The following IFT81 variants were observed in gnomAD, a reference collection of about 807,000 sequenced individuals.
IFT81 encodes the protein intraflagellar transport protein 81 homolog.
In IFT81, 72 loss-of-function variants were observed where a neutral mutation model predicts 102.6. That is an observed-to-expected ratio of 0.70 (90% CI 0.58 to 0.85). IFT81 has a LOEUF of 0.85. Ranked by LOEUF, IFT81 falls within the 40% of genes least tolerant of loss-of-function variation. The pLI, the probability that IFT81 is intolerant of heterozygous loss-of-function variation, is 0.00. For missense variants in IFT81, 723 were observed against 787.3 expected, an observed-to-expected ratio of 0.92 and a Z score of 0.98; for synonymous variants, 237 against 242.7, an observed-to-expected ratio of 0.98 and a Z score of 0.22.
At chr12:110,173,122 G>C (rs1403171427) in intron 11 of IFT81, among the ~76,000 whole-genome samples, 1 of 143,112 alleles carries the variant, frequency 7.0e-6, no homozygotes, top group Non-Finnish European at 1.5e-5. Flanking sequence ...AGGTGGGGGG[G>C]TCAGCCCCCC....
At position 110,134,996 on chromosome 12, in the gene IFT81, G is replaced by T; in HGVS notation, c.568G>T (p.Glu190Ter). ...EEKDQLIKRV[E>*]HLKKRVETAQ... The stretch of plus-strand genomic sequence containing the variant: ...AAAGGATCAGCTCATTAAGAGAGTT[G>T]AACATTTGAAGAAAAGGGTAAGGCA... Residue 190 changes from glutamate to a stop codon, truncating the protein, a stop_gained, in exon 6 of 19, where the codon GAA becomes TAA. Transcript: ENST00000242591. LOFTEE classifies it high-confidence loss of function. 6.2e-7 allele frequency: 1 copy of T among 1,609,842 alleles called. No homozygotes were observed. Among genetic ancestry groups the T allele is most frequent in the South Asian group, 1.1e-5 (1 of 90,032 alleles).
chr12:110,209,156 A>C lies in IFT81; in HGVS notation c.1803-15A>C. 6.9e-7 allele frequency: 1 copy of C among 1,448,670 alleles called. No individual in the cohort carries two copies. The highest frequency in any genetic ancestry group is 9.6e-7 in the Non-Finnish European group (1 of 1,042,666). The allele number at this position is 1,448,670 out of a possible 1,614,324, so 89.7% of individuals were successfully genotyped here. Reference sequence around the variant, plus strand: ...TGAAGTAAATTGAAAGTAAATCATTATGTTGACTCCCTAGGGAACAGTATA... The same window carrying C: ...TGAAGTAAATTGAAAGTAAATCATTCTGTTGACTCCCTAGGGAACAGTATA... On this transcript the variant is annotated splice_polypyrimidine_tract_variant and intron_variant, in intron 17 of 18. Transcript: ENST00000242591.
chr12:110,217,194 G>A (rs1290701208), intron 18 of IFT81, among the ~76,000 whole-genome samples: 1 of 151,930 alleles, frequency 6.6e-6, no homozygotes, highest in Non-Finnish European at 1.5e-5. Context: ...ACAGGCACAC[G>A]CCACCATGCC....
intron 10 of IFT81, among the ~76,000 whole-genome samples, chr12:110,149,387 G>C (rs560339761): frequency 6.6e-6 from 1 of 152,286 alleles, no homozygotes; most frequent in African/African-American, 2.4e-5. Flanking sequence ...GTCTAAGGGT[G>C]AATGTTTACA....
At chr12:110,197,555 CATATATAT>C (rs141544205) in intron 14 of IFT81, among the ~76,000 whole-genome samples, 30 of 108,816 alleles carry the variant, frequency 2.8e-4, no homozygotes, top group African/African-American at 6.4e-4. Context: ...AGGTTTTTAT[CATATATAT>C]ATATATATAT....
intron 7 of IFT81, 68 bp downstream of exon 7, chr12:110,135,505 GA>G: frequency 1.1e-6 from 1 of 919,182 alleles, no homozygotes; most frequent in South Asian, 1.6e-5. Context: ...CAAATGTAAA[GA>G]AAAGAGTTTT....
At chr12:110,163,163 A>G (rs1037509774) in intron 11 of IFT81, 98 bp downstream of exon 11, 16 of 828,608 alleles carry the variant, frequency 1.9e-5, no homozygotes, top group Admixed American at 2.7e-5. Flanking sequence ...TAATATTGGG[A>G]CGTTAATCTT....
chr12:110,143,619 T>C, intron 9 of IFT81, 74 bp downstream of exon 9: 1 of 1,190,556 alleles, frequency 8.4e-7, no homozygotes, highest in East Asian at 2.7e-5. Context: ...GTGAACTGCT[T>C]TCTGTAGTAT....
At chr12:110,130,914 G>T (rs932998843) in intron 4 of IFT81, among the ~76,000 whole-genome samples, 2 of 151,958 alleles carry the variant, frequency 1.3e-5, no homozygotes, top group Admixed American at 1.3e-4. Context: ...TTGGAATGAA[G>T]GGTCTTATAA....
chr12:110,146,875 G>A (rs769580450), intron 9 of IFT81, 78 bp from the exon 10 acceptor site: 26 of 1,408,914 alleles, frequency 1.8e-5, no homozygotes, highest in Non-Finnish European at 2.3e-5. Flanking sequence ...TTCAAAGCTG[G>A]TTTGGCCAGA....
intron 11 of IFT81, among the ~76,000 whole-genome samples, chr12:110,163,818 G>A (rs935653878): frequency 1.0e-4 from 15 of 150,276 alleles, no homozygotes; most frequent in African/African-American, 2.9e-4. Context: ...GTTTCACCAG[G>A]TTGGTCAGGC....
At chr12:110,203,629 T>C in intron 14 of IFT81, 1 of 467,290 alleles carries the variant, frequency 2.1e-6, no homozygotes, top group Non-Finnish European at 3.9e-6. Context: ...CACTATTGTC[T>C]CCCCAGCTCC....
At chr12:110,179,771 T>TACACACACACAC (rs1180642058) in intron 11 of IFT81, among the ~76,000 whole-genome samples, 9 of 52,770 alleles carry the variant, frequency 1.7e-4, no homozygotes, top group East Asian at 3.1e-3. Context: ...TATATATATA[T>TACACACACACAC]ATACACACAC....
At chr12:110,175,281 A>G (rs1346981823) in intron 11 of IFT81, among the ~76,000 whole-genome samples, 2 of 152,170 alleles carry the variant, frequency 1.3e-5, no homozygotes, top group Admixed American at 1.3e-4. Context: ...GTTCTTTATA[A>G]TATCTTGCCC....
intron 11 of IFT81, among the ~76,000 whole-genome samples, chr12:110,174,430 G>A (rs1283095552): frequency 6.7e-6 from 1 of 149,364 alleles, no homozygotes; most frequent in Non-Finnish European, 1.5e-5. Context: ...ATTCCAGCCT[G>A]GGAGACAAGA....
At chr12:110,200,558 A>G (rs532121119) in intron 14 of IFT81, among the ~76,000 whole-genome samples, 1 of 152,312 alleles carries the variant, frequency 6.6e-6, no homozygotes, top group African/African-American at 2.4e-5. Flanking sequence ...CTAGGACATT[A>G]CTGTACACTA....
At chr12:110,145,286 G>C (rs184704738) in intron 9 of IFT81, among the ~76,000 whole-genome samples, 1 of 151,662 alleles carries the variant, frequency 6.6e-6, no homozygotes, top group Non-Finnish European at 1.5e-5. Context: ...GCCTGCCTCC[G>C]TCCACCTCAG....
At chr12:110,192,826 C>A (rs1270639379) in intron 14 of IFT81, 120 bp downstream of exon 14, 3 of 579,728 alleles carry the variant, frequency 5.2e-6, no homozygotes, top group African/African-American at 3.9e-5. Context: ...AACAAATTAT[C>A]ATTATTACGT....
intron 11 of IFT81, among the ~76,000 whole-genome samples, chr12:110,167,203 T>C (rs965339648): frequency 2.0e-5 from 3 of 152,184 alleles, no homozygotes; most frequent in African/African-American, 7.2e-5. Context: ...TCCTTATTAG[T>C]AAAAGACGAA....
Sources: gnomAD v4.1 joint callset for allele counts (sites outside exome capture counted in the v4.1 genomes callset) on GRCh38, gnomAD v4.1.1 for gene constraint, MANE v1.5 for transcripts, NCBI Gene and HGNC (gene_info 2026-07-23, HGNC 2026-07-21) for gene names.